Variants in NET1 observed in about 807,000 individuals in gnomAD.
The protein encoded by NET1 is neuroepithelial cell transforming 1, also known as neuroepithelial cell-transforming gene 1 protein.
A neutral mutation model predicts 61.1 loss-of-function variants in NET1; 42 were observed. The ratio of observed to expected loss-of-function variants is 0.69; its 90% CI spans 0.54 to 0.89. NET1 has a LOEUF of 0.89. NET1 is among the 40% of genes least tolerant of loss of function. The probability of loss-of-function intolerance (pLI) is 0.00; values close to 1 mark genes in which losing one functional copy is unlikely to be tolerated. For missense variants in NET1, 654 were observed against 747.3 expected (o/e 0.88, Z 1.46); for synonymous variants, 254 against 281.8 (o/e 0.90, Z 0.99).
intron 1 of NET1, among the ~76,000 whole-genome samples, chr10:5,414,381 G>A (rs190256609): frequency 1.3e-5 from 2 of 152,290 alleles, no homozygotes; most frequent in South Asian, 2.1e-4. Context: ...AGAAAAATAA[G>A]CAACATTTTG....
intron 3 of NET1, among the ~76,000 whole-genome samples, chr10:5,450,950 C>A (rs1832693179): frequency 6.6e-6 from 1 of 152,092 alleles, no homozygotes; most frequent in African/African-American, 2.4e-5. Context: ...TATATCTTTC[C>A]TTTAAGTTAA....
At position 5,416,807 on chromosome 10, in the gene NET1, A is replaced by G. The variant is rs4607978; in HGVS notation, c.128+3987A>G. Among the ~76,000 whole-genome samples the G allele has an allele frequency of 0.97, 147,642 of 152,196 alleles. 71,729 individuals are homozygous for G. The highest frequency in any genetic ancestry group is 1 in the Non-Finnish European group (67,976 of 68,024). On this transcript the variant is annotated intron_variant, in intron 1 of 11. Coordinates refer to ENST00000355029, the MANE Select transcript of NET1 (RefSeq NM_001047160.3). This position sits in a 1 kb window ranked among gnomAD's most constrained non-coding sequence, Gnocchi z 6.1. The stretch of plus-strand genomic sequence containing the variant: ...GCAGGCTGTGGGGCTCCAACCCCAT[A>G]GCCATGTCTATGGGTGAATGTTTAC...
intron 1 of NET1, among the ~76,000 whole-genome samples, chr10:5,419,872 TAAG>T (rs1383535054): frequency 2.8e-5 from 4 of 141,298 alleles, no homozygotes; most frequent in African/African-American, 7.8e-5. Context: ...TTGTTTCTGT[TAAG>T]AAGTCAGAAT....
In NET1 at chr10:5,451,166, ATGCCAAGGGTG is replaced by A. The variant is rs1440936674; in HGVS notation, c.256-659_256-649del. On this transcript the variant is annotated intron_variant, in intron 3 of 11. Transcript: ENST00000355029. The surrounding 1 kb of genome is among the most constrained non-coding windows in gnomAD (Gnocchi z 6.1). ...CCCCATTTTATAGATGAGAAAACTG[ATGCCAAGGGTG>A]TGCCCTAGCAAGTGGTAGAGCCGGG... 2.0e-5 allele frequency among the ~76,000 whole-genome samples: 3 copies of A among 152,180 alleles called. No individual in the cohort carries two copies. Among genetic ancestry groups the A allele is most frequent in the Non-Finnish European group, 4.4e-5 (3 of 68,026 alleles).
At chr10:5,425,680 A>G (rs1445615043) in intron 1 of NET1, among the ~76,000 whole-genome samples, 2 of 152,230 alleles carry the variant, frequency 1.3e-5, no homozygotes, top group South Asian at 2.1e-4. Flanking sequence ...TCTTTTTTCC[A>G]TTATGAAACT....
rs1832563316 is a variant in NET1 at position 5,443,893 on chromosome 10, C to T, written c.256-7937C>T. 6.6e-6 allele frequency among the ~76,000 whole-genome samples: 1 copy of T among 152,174 alleles called. No homozygotes were observed. The highest frequency in any genetic ancestry group is 1.5e-5 in the Non-Finnish European group (1 of 68,032). On this transcript the variant is annotated intron_variant, in intron 3 of 11. Transcript: ENST00000355029. The surrounding 1 kb of genome is among the most constrained non-coding windows in gnomAD (Gnocchi z 4.8). The stretch of plus-strand genomic sequence containing the variant: ...ACATCGGGTAAGAATCCCAGGAGAA[C>T]TCCTAGCTGCTTCTTTCCTAACTCC...
chr10:5,450,023 A>G (rs938702035), intron 3 of NET1, among the ~76,000 whole-genome samples: 30 of 151,738 alleles, frequency 2.0e-4, no homozygotes, highest in South Asian at 1.7e-3. Flanking sequence ...TGTCTTTACT[A>G]AATGGAAAGG....
At position 5,446,951 on chromosome 10, in the gene NET1, T is replaced by C; in HGVS notation, c.256-4879T>C. The C allele has an allele frequency of 1.0e-6, 1 of 973,650 alleles. No homozygotes were observed. The highest frequency in any genetic ancestry group is 1.6e-5 in the African/African-American group (1 of 60,946). 60.3% of individuals were successfully genotyped at this position (973,650 alleles called of 1,614,324 possible). A position where few individuals can be genotyped will look rare whatever the true frequency, so the allele number is the denominator to read the frequency against. On this transcript the variant is annotated intron_variant, in intron 3 of 11. Coordinates refer to ENST00000355029, the MANE Select transcript of NET1 (RefSeq NM_001047160.3). The surrounding 1 kb of genome is among the most constrained non-coding windows in gnomAD (Gnocchi z 5.0). ...TAACAAGGTATTAACAGTATAATTTTAAACTTTTGATCTTATTATTACAAT... is the reference window on the plus strand; with the variant it reads ...TAACAAGGTATTAACAGTATAATTTCAAACTTTTGATCTTATTATTACAAT...
Position 5,424,503 on chromosome 10 carries a change from A to G in NET1, c.129-2152A>G, listed in dbSNP as rs1161571161. Among the ~76,000 whole-genome samples, 1 of 152,104 alleles carries G rather than the reference A, an allele frequency of 6.6e-6. No homozygotes were observed. The highest frequency in any genetic ancestry group is 1.5e-5 in the Non-Finnish European group (1 of 67,998). ...TTTTTTTGTTTAAATACTTTGTTCC[A>G]GGGTTTTCTCAAGAAAAAAATACCA... On this transcript the variant is annotated intron_variant, in intron 1 of 11. Transcript: ENST00000355029. This position sits in a 1 kb window ranked among gnomAD's most constrained non-coding sequence, Gnocchi z 6.1.
rs1258526144 is a variant in NET1, at chr10:5,440,611, T to C, written c.256-11219T>C. On this transcript the variant is annotated intron_variant, in intron 3 of 11. Coordinates refer to ENST00000355029, the MANE Select transcript of NET1 (RefSeq NM_001047160.3). The surrounding 1 kb of genome is among the most constrained non-coding windows in gnomAD (Gnocchi z 4.1). ...GCAATACTGCTTCTGACTTACCATC[T>C]TGGCCCAGGTGTAAGGGGTGAAATT... is the stretch of plus-strand genomic sequence containing the variant. Among the ~76,000 whole-genome samples, 1 of 152,210 alleles carries C rather than the reference T, an allele frequency of 6.6e-6. No homozygotes were observed. The highest frequency in any genetic ancestry group is 6.5e-5 in the Admixed American group (1 of 15,284).
Sources: allele counts gnomAD v4.1 joint callset (sites outside exome capture counted in the v4.1 genomes callset), GRCh38; gene constraint gnomAD v4.1.1; non-coding constraint Gnocchi (gnomAD v3.1); transcripts MANE v1.5; gene names NCBI Gene and HGNC (gene_info 2026-07-23, HGNC 2026-07-21).